Variants in EDC3 observed in about 807,000 individuals in gnomAD.
EDC3 encodes enhancer of mRNA decapping 3.
In EDC3, 20 loss-of-function variants were observed where a neutral mutation model predicts 41.8. The ratio of observed to expected loss-of-function variants is 0.48; its 90% confidence interval spans 0.34 to 0.70. The LOEUF is 0.70. Among genes scored for constraint, EDC3 ranks in the 30% least tolerant of loss-of-function variants. The pLI, the probability that EDC3 is intolerant of heterozygous loss-of-function variation, is 0.01. For synonymous variants in EDC3, 206 were observed against 243.2 expected, an observed-to-expected ratio of 0.85 and a Z score of 1.42; for missense variants, 444 against 636.8, an observed-to-expected ratio of 0.70 and a Z score of 3.26.
chr15:74,635,373 A>G (rs780665263), intron 6 of EDC3, 36 bp downstream of exon 6: 1 of 1,593,008 alleles, frequency 6.3e-7, no homozygotes, highest in East Asian at 2.2e-5. Flanking sequence ...CTAAGGAGGG[A>G]GGAGGCCTTC....
At chr15:74,667,576 T>TA (rs762908484) in intron 3 of EDC3, among the ~76,000 whole-genome samples, 212 of 119,620 alleles carry the variant, frequency 1.8e-3, no homozygotes, top group African/African-American at 2.6e-3. Flanking sequence ...ACCTAAGTAC[T>TA]AAAAAAAAAA....
Position 74,684,478 on chromosome 15 carries a change from CAAAAAAAA to C in EDC3, c.-18-9344_-18-9337del, listed in dbSNP as rs1043252193. 4.9e-5 allele frequency among the ~76,000 whole-genome samples: 3 copies of C among 60,966 alleles called. No individual in the cohort carries two copies. The East Asian group carries it at 1.2e-3, about 25-fold the overall frequency. The allele number at this position is 60,966 out of a possible 152,430, so 40.0% of individuals were successfully genotyped here. A position where few individuals can be genotyped will look rare whatever the true frequency, so the allele number is the denominator to read the frequency against. ...ACCATGCCCAGCTGAGACTTTGTCT[CAAAAAAAA>C]AAAAAAAAAAAAAGGTGGGGTTGAA... On this transcript the variant is annotated intron_variant, in intron 1 of 6. Transcript: ENST00000315127.
chr15:74,654,095 A>C (rs560075108), intron 4 of EDC3, among the ~76,000 whole-genome samples: 1 of 152,258 alleles, frequency 6.6e-6, no homozygotes, highest in Non-Finnish European at 1.5e-5. Flanking sequence ...TACTAAAAAT[A>C]CAAAAAAATT....
intron 4 of EDC3, among the ~76,000 whole-genome samples, chr15:74,653,495 T>C (rs916052857): frequency 6.6e-6 from 1 of 152,174 alleles, no homozygotes; most frequent in African/African-American, 2.4e-5. Flanking sequence ...CTGCTTGCTC[T>C]ATTTCCAGCA....
chr15:74,649,165 C>T (rs915765848), intron 4 of EDC3, among the ~76,000 whole-genome samples: 4 of 150,372 alleles, frequency 2.7e-5, no homozygotes, highest in Admixed American at 6.7e-5. Context: ...CCCAGGTTCA[C>T]GCCATTCTCC....
intron 3 of EDC3, among the ~76,000 whole-genome samples, chr15:74,665,836 T>C (rs1445050853): frequency 1.6e-4 from 24 of 151,722 alleles, no homozygotes; most frequent in Non-Finnish European, 1.2e-4. Context: ...TTTGCTTTGT[T>C]GCCCAGGCTG....
chr15:74,691,955 T>C (rs1365606915), intron 1 of EDC3, among the ~76,000 whole-genome samples: 1 of 152,110 alleles, frequency 6.6e-6, no homozygotes, highest in Non-Finnish European at 1.5e-5. Context: ...TAGCTGGGAC[T>C]ACAGGCGCCC....
At chr15:74,679,640 C>G (rs1308366903) in intron 1 of EDC3, among the ~76,000 whole-genome samples, 1 of 151,740 alleles carries the variant, frequency 6.6e-6, no homozygotes, top group Non-Finnish European at 1.5e-5. Flanking sequence ...CAATAATGAT[C>G]CAGGCTCAGT....
At chr15:74,633,898 C>T (rs1360135104) in intron 6 of EDC3, among the ~76,000 whole-genome samples, 1 of 152,172 alleles carries the variant, frequency 6.6e-6, no homozygotes, top group Non-Finnish European at 1.5e-5. Context: ...CGGGGGGAGT[C>T]CCTGTGGGTG....
At chr15:74,693,628 C>T (rs1001310609) in intron 1 of EDC3, among the ~76,000 whole-genome samples, 2 of 152,168 alleles carry the variant, frequency 1.3e-5, no homozygotes, top group African/African-American at 2.4e-5. Context: ...TTTTCAAACT[C>T]ATGACTCCAT....
chr15:74,654,646 A>T (rs1320551640), intron 4 of EDC3, among the ~76,000 whole-genome samples: 2 of 151,906 alleles, frequency 1.3e-5, no homozygotes, highest in Non-Finnish European at 2.9e-5. Context: ...CCAGCAAAAG[A>T]CTGACACAGT....
rs2062193816 is a variant in EDC3, at chr15:74,630,812, TC to T, written c.*1799del. 1 of 152,266 alleles carries T rather than the reference TC, an allele frequency of 6.6e-6. No individual in the cohort carries two copies. Among genetic ancestry groups the T allele is most frequent in the East Asian group, 1.9e-4 (1 of 5,192 alleles). 9.4% of individuals were successfully genotyped at this position (152,266 alleles called of 1,614,324 possible). ...AAGAGGGAGAAGCTTGGGCACAAAC[TC>T]CCAGTGGCCCTGCAAGGCTATCATC... On this transcript the variant is annotated 3_prime_UTR_variant, in exon 7 of 7. Coordinates refer to ENST00000315127, the MANE Select transcript of EDC3 (RefSeq NM_025083.5).
At chr15:74,641,366 C>A (rs1417235053) in intron 4 of EDC3, 2 of 152,444 alleles carry the variant, frequency 1.3e-5, no homozygotes, top group Non-Finnish European at 2.9e-5. Flanking sequence ...TGAAAGTACA[C>A]TGTGGAAAAT....
At chr15:74,660,058 T>A (rs948398035) in intron 3 of EDC3, among the ~76,000 whole-genome samples, 2 of 145,658 alleles carry the variant, frequency 1.4e-5, no homozygotes, top group Admixed American at 6.9e-5. Flanking sequence ...GAAAAAAAAA[T>A]AAAATAAAAT....
intron 1 of EDC3, among the ~76,000 whole-genome samples, chr15:74,683,427 C>T (rs1385197845): frequency 6.6e-6 from 1 of 152,048 alleles, no homozygotes; most frequent in African/African-American, 2.4e-5. Context: ...CCCAGCTACT[C>T]GGGAGGCTGA....
In EDC3 at chr15:74,631,455, C is replaced by A. The variant is rs2062206165; in HGVS notation, c.*1157G>T. 6.6e-6 allele frequency: 1 copy of A among 152,288 alleles called. No homozygotes were observed. Among genetic ancestry groups the A allele is most frequent in the Non-Finnish European group, 1.5e-5 (1 of 68,082 alleles). The allele number at this position is 152,288 out of a possible 1,614,324, so 9.4% of individuals were successfully genotyped here. On this transcript the variant is annotated 3_prime_UTR_variant, in exon 7 of 7. Coordinates refer to ENST00000315127, the MANE Select transcript of EDC3 (RefSeq NM_025083.5). ...TGTGTTCCTATGGTTGGAACCCACACCAGCTAGCTCATCCAGAACTAGCCT... is the reference window on the plus strand; with the variant it reads ...TGTGTTCCTATGGTTGGAACCCACAACAGCTAGCTCATCCAGAACTAGCCT...
At chr15:74,685,074 A>G (rs1170756016) in intron 1 of EDC3, among the ~76,000 whole-genome samples, 1 of 152,132 alleles carries the variant, frequency 6.6e-6, no homozygotes, top group African/African-American at 2.4e-5. Context: ...AAAATCAATC[A>G]CTATATGAAT....
intron 3 of EDC3, among the ~76,000 whole-genome samples, chr15:74,666,276 C>T (rs886901795): frequency 6.6e-6 from 1 of 152,114 alleles, no homozygotes; most frequent in East Asian, 1.9e-4. Context: ...CATTCCCAGG[C>T]CACAAACATT....
chr15:74,691,562 T>C (rs2063007778), intron 1 of EDC3, among the ~76,000 whole-genome samples: 1 of 152,158 alleles, frequency 6.6e-6, no homozygotes, highest in Non-Finnish European at 1.5e-5. Flanking sequence ...GTCCTGGTCT[T>C]TACACTGGAA....
Sources: allele counts gnomAD v4.1 joint callset (sites outside exome capture counted in the v4.1 genomes callset), GRCh38; gene constraint gnomAD v4.1.1; transcripts MANE v1.5; gene names NCBI Gene and HGNC (gene_info 2026-07-23, HGNC 2026-07-21).